Variants in PPARGC1A observed in about 807,000 individuals in gnomAD.
PPARGC1A encodes peroxisome proliferator-activated receptor gamma coactivator 1-alpha.
PPARGC1A carries 25 observed loss-of-function variants against 88.7 expected under a neutral mutation model. The observed-to-expected ratio is 0.28, with a 90% confidence interval of 0.21 to 0.39. The LOEUF (loss-of-function observed/expected upper bound fraction) is 0.39, where lower values mean the gene tolerates loss of function less well. Ranked by LOEUF, PPARGC1A falls within the 10% of genes least tolerant of loss-of-function variation. PPARGC1A has a pLI of 1.00. For missense variants in PPARGC1A, 880 were observed against 968.7 expected (o/e 0.91, Z 1.22); for synonymous variants, 363 against 355.6 (o/e 1.02, Z -0.24).
chr4:24,229,152 C>CTTTTTTTTTTTTTTTTTGTTTTTTTT, the PPARGC1A span, among the ~76,000 whole-genome samples: 1 of 60,894 alleles, frequency 1.6e-5, no homozygotes, highest in Non-Finnish European at 3.1e-5. Flanking sequence ...GTATCTGGAC[C>CTTTTTTTTTTTTTTTTTGTTTTTTTT]TTTTTTTTTT....
At chr4:24,293,411 C>T in the PPARGC1A span, among the ~76,000 whole-genome samples, 1 of 10,844 alleles carries the variant, frequency 9.2e-5, no homozygotes, top group Non-Finnish European at 2.0e-4. Context: ...CTCCCTACCC[C>T]CTCAGCCTCA....
chr4:24,146,723 T>C, the PPARGC1A span, among the ~76,000 whole-genome samples: 1 of 152,266 alleles, frequency 6.6e-6, no homozygotes, highest in East Asian at 1.9e-4. Flanking sequence ...AGAGAGTTGG[T>C]TGGAATGGGG....
the PPARGC1A span, among the ~76,000 whole-genome samples, chr4:24,311,580 C>T: frequency 6.6e-6 from 1 of 151,822 alleles, no homozygotes; most frequent in Admixed American, 6.5e-5. Flanking sequence ...ACAGAGCTTG[C>T]AGTGAGCCAA....
At chr4:23,832,596 TTTTC>T (rs1298817218) in intron 2 of PPARGC1A, among the ~76,000 whole-genome samples, 2 of 147,216 alleles carry the variant, frequency 1.4e-5, no homozygotes, top group Non-Finnish European at 3.0e-5. Context: ...TATTATTTCT[TTTTC>T]TTTTTCTTTT....
chr4:24,236,715 TC>T, the PPARGC1A span, among the ~76,000 whole-genome samples: 2 of 152,222 alleles, frequency 1.3e-5, no homozygotes, highest in African/African-American at 4.8e-5. Flanking sequence ...CACACAGTGT[TC>T]TTTAAATGTG....
At chr4:24,367,742 T>C in the PPARGC1A span, among the ~76,000 whole-genome samples, 3 of 152,210 alleles carry the variant, frequency 2.0e-5, no homozygotes, top group Non-Finnish European at 4.4e-5. Context: ...CATATTGTTG[T>C]TGTTTCTTTG....
At chr4:23,991,042 C>A in the PPARGC1A span, among the ~76,000 whole-genome samples, 1 of 152,134 alleles carries the variant, frequency 6.6e-6, no homozygotes, top group East Asian at 1.9e-4. Context: ...CACATATCCA[C>A]TTAAAATGAG....
At chr4:23,865,157 T>C (rs7687126) in intron 2 of PPARGC1A, among the ~76,000 whole-genome samples, 29,964 of 152,018 alleles carry the variant, frequency 0.2, 3,150 homozygotes, top group African/African-American at 0.25. Flanking sequence ...TGCACTCCAG[T>C]GTGGGCAACA....
At chr4:23,831,965 T>C (rs186615769) in intron 2 of PPARGC1A, among the ~76,000 whole-genome samples, 34 of 152,296 alleles carry the variant, frequency 2.2e-4, no homozygotes, top group African/African-American at 7.9e-4. Context: ...TCTCTGATGG[T>C]TGAGCTGCCT....
At chr4:24,075,579 C>A in the PPARGC1A span, among the ~76,000 whole-genome samples, 1 of 152,120 alleles carries the variant, frequency 6.6e-6, no homozygotes, top group African/African-American at 2.4e-5. Context: ...CCCATAATTC[C>A]CACGTGTCAT....
the PPARGC1A span, among the ~76,000 whole-genome samples, chr4:23,979,543 C>G: frequency 6.6e-6 from 1 of 152,262 alleles, no homozygotes; most frequent in African/African-American, 2.4e-5. Flanking sequence ...TAATAAGCAA[C>G]AATCCAAGAT....
At chr4:24,250,169 A>T in the PPARGC1A span, among the ~76,000 whole-genome samples, 8 of 152,228 alleles carry the variant, frequency 5.3e-5, no homozygotes, top group Admixed American at 5.2e-4. Context: ...TAGAGCCTGC[A>T]GGGCAGGCAC....
At chr4:23,853,882 T>C (rs1433448624) in intron 2 of PPARGC1A, among the ~76,000 whole-genome samples, 1 of 152,174 alleles carries the variant, frequency 6.6e-6, no homozygotes, top group Non-Finnish European at 1.5e-5. Context: ...GCATGAATCC[T>C]AGCTCTGTCA....
At chr4:23,901,677 T>C (rs190201680), upstream of PPARGC1A, among the ~76,000 whole-genome samples, 2 of 152,042 alleles carry the variant, frequency 1.3e-5, no homozygotes, top group African/African-American at 4.8e-5. Context: ...AATGATGATA[T>C]CTGAAATACA....
At chr4:24,010,629 A>T in the PPARGC1A span, among the ~76,000 whole-genome samples, 4 of 152,216 alleles carry the variant, frequency 2.6e-5, no homozygotes, top group Non-Finnish European at 5.9e-5. Flanking sequence ...TAATTCATTC[A>T]TTTAACGTAT....
chr4:23,904,414 T>TATG (rs1460363561), upstream of PPARGC1A, among the ~76,000 whole-genome samples: 5 of 152,298 alleles, frequency 3.3e-5, no homozygotes, highest in African/African-American at 1.2e-4. Flanking sequence ...ATTTCTGTCC[T>TATG]ATGATGACAC....
At chr4:24,278,450 G>A in the PPARGC1A span, among the ~76,000 whole-genome samples, 13 of 152,264 alleles carry the variant, frequency 8.5e-5, no homozygotes, top group South Asian at 1.2e-3. Flanking sequence ...CTATGTGTCA[G>A]ACTTTGTCCT....
At chr4:23,980,818 G>A in the PPARGC1A span, among the ~76,000 whole-genome samples, 23 of 152,248 alleles carry the variant, frequency 1.5e-4, 1 homozygote, top group Middle Eastern at 0.031. Flanking sequence ...CCAAACTGAA[G>A]TCCCACATGG....
the PPARGC1A span, among the ~76,000 whole-genome samples, chr4:23,925,237 T>C: frequency 1.3e-5 from 2 of 152,226 alleles, no homozygotes; most frequent in Admixed American, 1.3e-4. Context: ...CAATGAGCTG[T>C]CATTATCAAT....
Sources: gnomAD v4.1 joint callset for allele counts (sites outside exome capture counted in the v4.1 genomes callset) on GRCh38, gnomAD v4.1.1 for gene constraint, MANE v1.5 for transcripts, NCBI Gene and HGNC (gene_info 2026-07-23, HGNC 2026-07-21) for gene names.